UCHL1: variants seen among roughly 807,000 people sequenced by gnomAD.
The protein encoded by UCHL1 is ubiquitin C-terminal hydrolase L1, also known as ubiquitin carboxyl-terminal hydrolase isozyme L1.
UCHL1 carries 5 observed loss-of-function variants against 33.3 expected under a neutral mutation model. The observed-to-expected ratio is 0.15, with a 90% CI of 0.08 to 0.32. The LOEUF is 0.32. Among genes scored for constraint, UCHL1 ranks in the 10% least tolerant of loss-of-function variants. UCHL1 has a pLI of 1.00. For missense variants in UCHL1, 236 were observed against 280.0 expected, an observed-to-expected ratio of 0.84 and a Z score of 1.12; for synonymous variants, 132 against 108.8, an observed-to-expected ratio of 1.21 and a Z score of -1.33.
Position 41,264,157 on chromosome 4 carries a change from T to C in UCHL1, c.581T>C (p.Leu194Pro). The change falls in exon 8 of 9, where the codon CTG becomes CCG. Residue 194 changes from leucine to proline, a missense_variant. Leu to Pro is a moderately conservative substitution (Grantham distance 98). Coordinates refer to ENST00000284440, the MANE Select transcript of UCHL1 (RefSeq NM_004181.5). ...NHGASSEDTL[L>P]KDAAKVCREF... The stretch of plus-strand genomic sequence containing the variant: ...GGCGCCAGTTCAGAGGACACCCTGC[T>C]GAAGGTCATCTTTGGAATGCATCTC... 1 of 1,614,232 alleles carries C rather than the reference T, an allele frequency of 6.2e-7. No homozygotes were observed. Among genetic ancestry groups the C allele is most frequent in the Non-Finnish European group, 8.5e-7 (1 of 1,180,038 alleles).
chr4:41,261,159 T>C (rs1276868570), intron 4 of UCHL1, among the ~76,000 whole-genome samples: 1 of 152,234 alleles, frequency 6.6e-6, no homozygotes, highest in Non-Finnish European at 1.5e-5. Flanking sequence ...GACTATTTTG[T>C]TTCTTTACAT....
At chr4:41,265,132 C>T (rs1490262073) in intron 8 of UCHL1, among the ~76,000 whole-genome samples, 1 of 152,168 alleles carries the variant, frequency 6.6e-6, no homozygotes, top group East Asian at 1.9e-4. Context: ...TTTACTGACC[C>T]CTCTTCTTAG....
At chr4:41,262,290 C>T (rs1411603473) in intron 6 of UCHL1, among the ~76,000 whole-genome samples, 4 of 152,010 alleles carry the variant, frequency 2.6e-5, no homozygotes, top group Non-Finnish European at 2.9e-5. Context: ...AGTGAAACCC[C>T]GTCCCTACAA....
intron 8 of UCHL1, among the ~76,000 whole-genome samples, chr4:41,265,727 A>C (rs150459110): frequency 1.3e-5 from 2 of 152,132 alleles, no homozygotes; most frequent in Non-Finnish European, 2.9e-5. Flanking sequence ...ACATTATGCC[A>C]CTCTTAATAG....
At chr4:41,257,545 C>T in intron 2 of UCHL1, 64 bp from the exon 3 acceptor site, 2 of 1,435,148 alleles carry the variant, frequency 1.4e-6, no homozygotes, top group Non-Finnish European at 1.8e-6. Flanking sequence ...TGGCCCCGCC[C>T]CCTGGCAGGT....
intron 3 of UCHL1, 119 bp from the exon 4 acceptor site, chr4:41,260,528 A>C: frequency 7.8e-7 from 1 of 1,287,534 alleles, no homozygotes; most frequent in Admixed American, 2.0e-5. Flanking sequence ...AACATCTAGA[A>C]CCAGGGGTTC....
rs1369252096 is a variant in UCHL1, at chr4:41,261,856, T to C, written c.412-20T>C. 6.2e-7 allele frequency: 1 copy of C among 1,614,134 alleles called. No homozygotes were observed. On this transcript the variant is annotated intron_variant, in intron 5 of 8. Transcript: ENST00000284440. ...ATAACTCTAGAGATTTTTGTGCTAA[T>C]TATTTTCTTTTTTCCGCAGGCCATA...
At chr4:41,266,651 C>T (rs13101830) in intron 8 of UCHL1, among the ~76,000 whole-genome samples, 16,145 of 152,106 alleles carry the variant, frequency 0.11, 937 homozygotes, top group East Asian at 0.16. Context: ...GAAAGGGTCT[C>T]GCTGTGTCAT....
In UCHL1 at chr4:41,260,347, A is replaced by G. The variant is rs1362573975; in HGVS notation, c.175-300A>G. Among the ~76,000 whole-genome samples the G allele has an allele frequency of 2.0e-5, 3 of 152,208 alleles. No individual in the cohort carries two copies. The East Asian group carries it at 5.8e-4, about 29-fold the overall frequency. Reference sequence around the variant, plus strand: ...TTTCTTTGTTTTCTGACTTCGTGACACCATTTTGGGCTGAAAGGTTGCAGT... The same window carrying G: ...TTTCTTTGTTTTCTGACTTCGTGACGCCATTTTGGGCTGAAAGGTTGCAGT... On this transcript the variant is annotated intron_variant, in intron 3 of 8. Coordinates refer to ENST00000284440, the MANE Select transcript of UCHL1 (RefSeq NM_004181.5).
Position 41,268,446 on chromosome 4 carries a change from A to G in UCHL1, c.*373A>G. 1 of 265,534 alleles carries G rather than the reference A, an allele frequency of 3.8e-6. No homozygotes were observed. Among genetic ancestry groups the G allele is most frequent in the Non-Finnish European group, 7.2e-6 (1 of 138,680 alleles). The allele number at this position is 265,534 out of a possible 1,614,324, so 16.4% of individuals were successfully genotyped here. A position where few individuals can be genotyped will look rare whatever the true frequency, so the allele number is the denominator to read the frequency against. On this transcript the variant is annotated 3_prime_UTR_variant, in exon 9 of 9. Coordinates refer to ENST00000284440, the MANE Select transcript of UCHL1 (RefSeq NM_004181.5). ...GATAAGATAGCCACAGCTGATTCTC[A>G]TTTTCTTTTACCCTCTCCTCAATAT...
At chr4:41,257,285 C>T (rs1028217923) in intron 2 of UCHL1, 159 bp downstream of exon 2, 5 of 1,219,610 alleles carry the variant, frequency 4.1e-6, no homozygotes, top group Non-Finnish European at 5.6e-6. Flanking sequence ...TGGGCCCCTG[C>T]ATTTAGCGGG....
chr4:41,264,178 A>G lies in UCHL1; in HGVS notation c.585+17A>G, dbSNP rs1211324083. The G allele has an allele frequency of 1.2e-6, 2 of 1,614,040 alleles. No homozygotes were observed. The highest frequency in any genetic ancestry group is 1.7e-6 in the Non-Finnish European group (2 of 1,180,006). On this transcript the variant is annotated intron_variant, in intron 8 of 8. Transcript: ENST00000284440. ...CTGCTGAAGGTCATCTTTGGAATGC[A>G]TCTCTTCTTAATGTGCCTCACAATT...
chr4:41,263,345 CT>C, intron 7 of UCHL1, 54 bp downstream of exon 7: 1 of 1,494,584 alleles, frequency 6.7e-7, no homozygotes, highest in South Asian at 1.1e-5. Context: ...TTCTTTCAGA[CT>C]GAATTTCTCT....
chr4:41,268,138 C>T lies in UCHL1; in HGVS notation c.*65C>T. 6.9e-7 allele frequency: 1 copy of T among 1,447,178 alleles called. No homozygotes were observed. Among genetic ancestry groups the T allele is most frequent in the Non-Finnish European group, 9.6e-7 (1 of 1,042,072 alleles). The allele number at this position is 1,447,178 out of a possible 1,614,324, so 89.6% of individuals were successfully genotyped here. A position where few individuals can be genotyped will look rare whatever the true frequency, so the allele number is the denominator to read the frequency against. The stretch of plus-strand genomic sequence containing the variant: ...TTCAACATGAAAATATATACCCCCC[C>T]ATGCAGTCTAAAATGCTTCAGTACT... On this transcript the variant is annotated 3_prime_UTR_variant, in exon 9 of 9. Transcript: ENST00000284440.
intron 6 of UCHL1, among the ~76,000 whole-genome samples, chr4:41,262,668 C>A (rs1416340240): frequency 1.3e-5 from 2 of 151,526 alleles, no homozygotes; most frequent in Admixed American, 6.6e-5. Context: ...GCCTCCATTT[C>A]CCAGGCTGGA....
chr4:41,258,671 G>A (rs896895470), intron 3 of UCHL1, among the ~76,000 whole-genome samples: 1 of 152,214 alleles, frequency 6.6e-6, no homozygotes, highest in African/African-American at 2.4e-5. Context: ...AAAGAGTGAG[G>A]TTAACTGAAG....
chr4:41,263,418 A>C (rs1457661472), intron 7 of UCHL1, 127 bp downstream of exon 7: 10 of 976,532 alleles, frequency 1.0e-5, no homozygotes, highest in Non-Finnish European at 1.6e-5. Context: ...ACAATAACAA[A>C]GTATTCTCAT....
chr4:41,261,376 A>ACCAT (rs1781065964), intron 4 of UCHL1, among the ~76,000 whole-genome samples: 1 of 152,208 alleles, frequency 6.6e-6, no homozygotes, highest in Non-Finnish European at 1.5e-5. Context: ...TAGAAATCTC[A>ACCAT]AATATGTTTT....
intron 4 of UCHL1, among the ~76,000 whole-genome samples, chr4:41,261,098 A>G (rs745953162): frequency 1.3e-5 from 2 of 152,216 alleles, no homozygotes; most frequent in Non-Finnish European, 2.9e-5. Context: ...GTTAATGCTC[A>G]GTGTGGATAA....
Sources: gnomAD v4.1 joint callset for allele counts (sites outside exome capture counted in the v4.1 genomes callset) on GRCh38, gnomAD v4.1.1 for gene constraint, MANE v1.5 for transcripts, NCBI Gene and HGNC (gene_info 2026-07-23, HGNC 2026-07-21) for gene names.